The following MYT1L variants were observed in gnomAD, a reference collection of about 807,000 sequenced individuals.
The protein encoded by MYT1L is myelin transcription factor 1 like, also known as myelin transcription factor 1-like protein.
MYT1L carries 12 observed loss-of-function variants against 126.7 expected under a neutral mutation model. The ratio of observed to expected loss-of-function variants is 0.09; its 90% CI spans 0.06 to 0.15. MYT1L has a LOEUF of 0.15. Among genes scored for constraint, MYT1L ranks in the 10% least tolerant of loss-of-function variants. MYT1L has a pLI of 1.00. For synonymous variants in MYT1L, 541 were observed against 604.2 expected, an observed-to-expected ratio of 0.90 and a Z score of 1.53; for missense variants, 979 against 1,585.2, an observed-to-expected ratio of 0.62 and a Z score of 6.49.
chr2:1,967,893 G>A lies in MYT1L; in HGVS notation c.152+11272C>T, dbSNP rs1333521468. 3.9e-5 allele frequency among the ~76,000 whole-genome samples: 6 copies of A among 152,286 alleles called. No individual in the cohort carries two copies. The East Asian group carries it at 1.2e-3, about 30-fold the overall frequency. On this transcript the variant is annotated intron_variant, in intron 8 of 24. Coordinates refer to ENST00000647738, the MANE Select transcript of MYT1L (RefSeq NM_001303052.2). ...GGGCAGGAGCCTAGACTCCACTTCC[G>A]CAAAGAGTCCTGCTGTCTGTGTGTC...
chr2:2,082,145 C>T (rs2075898949), intron 3 of MYT1L, among the ~76,000 whole-genome samples: 1 of 152,060 alleles, frequency 6.6e-6, no homozygotes. Context: ...CTATCTACAC[C>T]ACACTACATA....
chr2:2,032,700 G>C (rs1287767793), intron 4 of MYT1L, among the ~76,000 whole-genome samples: 2 of 113,530 alleles, frequency 1.8e-5, no homozygotes, highest in Admixed American at 1.7e-4. Context: ...CTCATCCTGT[G>C]GCCCAGAGCA....
intron 21 of MYT1L, among the ~76,000 whole-genome samples, chr2:1,815,495 T>G (rs1230018040): frequency 2.0e-5 from 3 of 152,150 alleles, no homozygotes; most frequent in African/African-American, 7.2e-5. Flanking sequence ...GGTTCCTGCC[T>G]GGGAAACCAC....
rs1191744398 is a variant in MYT1L, at chr2:1,943,630, T to A, written c.153-296A>T. On this transcript the variant is annotated intron_variant, in intron 8 of 24. Coordinates refer to ENST00000647738, the MANE Select transcript of MYT1L (RefSeq NM_001303052.2). This position sits in a 1 kb window ranked among gnomAD's most constrained non-coding sequence, Gnocchi z 4.4. The stretch of plus-strand genomic sequence containing the variant: ...ATTCCAGAGATCCTACGAAAATTCA[T>A]GAGATTGGTTTGCATAATGTGTATA... Among the ~76,000 whole-genome samples the A allele has an allele frequency of 6.6e-6, 1 of 152,202 alleles. No homozygotes were observed. Among genetic ancestry groups the A allele is most frequent in the African/African-American group, 2.4e-5 (1 of 41,456 alleles).
chr2:1,829,968 C>T (rs1319811204), intron 21 of MYT1L, among the ~76,000 whole-genome samples: 1 of 152,176 alleles, frequency 6.6e-6, no homozygotes, highest in Non-Finnish European at 1.5e-5. Context: ...GTCAATGGTG[C>T]AGGAAAACTT....
chr2:2,149,942 T>C (rs1342733934), intron 3 of MYT1L, among the ~76,000 whole-genome samples: 1 of 151,788 alleles, frequency 6.6e-6, no homozygotes, highest in South Asian at 2.1e-4. Context: ...CTACCTCCAC[T>C]CTCCATGCCC....
intron 3 of MYT1L, among the ~76,000 whole-genome samples, chr2:2,131,772 G>A (rs1158829535): frequency 1.3e-5 from 2 of 152,064 alleles, no homozygotes; most frequent in East Asian, 1.9e-4. Flanking sequence ...GTGGGAACTC[G>A]GTTTTCCCAA....
chr2:2,080,304 G>GA (rs1216928539), intron 3 of MYT1L, among the ~76,000 whole-genome samples: 1 of 148,908 alleles, frequency 6.7e-6, no homozygotes, highest in African/African-American at 2.5e-5. Flanking sequence ...AGGGATAAGA[G>GA]AAAAAAAAAG....
chr2:2,283,327 C>T (rs1401610964), intron 2 of MYT1L, among the ~76,000 whole-genome samples: 3 of 152,096 alleles, frequency 2.0e-5, no homozygotes, highest in Non-Finnish European at 4.4e-5. Flanking sequence ...AATGGACATA[C>T]ACTAATTATG....
chr2:2,218,149 G>A (rs2093747861), intron 2 of MYT1L, among the ~76,000 whole-genome samples: 1 of 152,182 alleles, frequency 6.6e-6, no homozygotes, highest in Admixed American at 6.5e-5. Flanking sequence ...TTTGGAGAAA[G>A]TTTGGCAGTT....
At chr2:1,906,635 C>T (rs2051096889) in intron 13 of MYT1L, among the ~76,000 whole-genome samples, 1 of 152,110 alleles carries the variant, frequency 6.6e-6, no homozygotes, top group Non-Finnish European at 1.5e-5. Flanking sequence ...ATCACCAATA[C>T]ATGTATTGCG....
At chr2:1,962,418 G>A (rs1467778003) in intron 8 of MYT1L, among the ~76,000 whole-genome samples, 3 of 152,236 alleles carry the variant, frequency 2.0e-5, no homozygotes, top group Non-Finnish European at 2.9e-5. Context: ...CGAGCCTTCA[G>A]GGCGTCCTAA....
chr2:2,135,856 T>G (rs1256367692), intron 3 of MYT1L, among the ~76,000 whole-genome samples: 2 of 152,356 alleles, frequency 1.3e-5, no homozygotes, highest in South Asian at 4.2e-4. Flanking sequence ...CCTGCCGGGC[T>G]TGGCCTTTAA....
At position 1,991,203 on chromosome 2, in the gene MYT1L, G is replaced by A. The variant is rs192384110; in HGVS notation, c.-1+5988C>T. ...AAATCTCTGCTCGCTGCCAGGAATC[G>A]TGGCCCCAAATCACAGGGTGGATCC... On this transcript the variant is annotated intron_variant, in intron 5 of 24. Coordinates refer to ENST00000647738, the MANE Select transcript of MYT1L (RefSeq NM_001303052.2). 1.4e-4 allele frequency among the ~76,000 whole-genome samples: 21 copies of A among 152,222 alleles called. No individual in the cohort carries two copies. The East Asian group carries it at 3.7e-3, about 27-fold the overall frequency.
intron 8 of MYT1L, among the ~76,000 whole-genome samples, chr2:1,962,631 C>T (rs1348047936): frequency 4.6e-5 from 7 of 152,198 alleles, no homozygotes; most frequent in Non-Finnish European, 1.0e-4. Context: ...AGTAGAACTT[C>T]TTTCAAAATT....
At chr2:1,965,144 C>G (rs1239899714) in intron 8 of MYT1L, among the ~76,000 whole-genome samples, 3 of 151,924 alleles carry the variant, frequency 2.0e-5, no homozygotes, top group Admixed American at 6.6e-5. Flanking sequence ...CCCAGGCACT[C>G]TGTGACTTGC....
chr2:1,981,594 G>A (rs1158128560), intron 5 of MYT1L, among the ~76,000 whole-genome samples: 1 of 152,212 alleles, frequency 6.6e-6, no homozygotes, highest in Non-Finnish European at 1.5e-5. Flanking sequence ...TGCAGACGAC[G>A]GGCCTGAGCC....
At chr2:2,294,692 C>G (rs959851062) in intron 1 of MYT1L, among the ~76,000 whole-genome samples, 1 of 152,156 alleles carries the variant, frequency 6.6e-6, no homozygotes, top group Non-Finnish European at 1.5e-5. Flanking sequence ...GTATCTAAGT[C>G]ACATGTAACT....
intron 3 of MYT1L, among the ~76,000 whole-genome samples, chr2:2,106,368 G>A (rs972970205): frequency 3.9e-5 from 6 of 152,132 alleles, no homozygotes; most frequent in Admixed American, 3.3e-4. Flanking sequence ...TCTCAGCACT[G>A]TAGGAGGCCG....
Sources: gnomAD v4.1 joint callset for allele counts (sites outside exome capture counted in the v4.1 genomes callset) on GRCh38, gnomAD v4.1.1 for gene constraint, Gnocchi (gnomAD v3.1) non-coding constraint, MANE v1.5 for transcripts, NCBI Gene and HGNC (gene_info 2026-07-23, HGNC 2026-07-21) for gene names.